The following MYPOP variants were observed in gnomAD, a reference collection of about 807,000 sequenced individuals.
MYPOP encodes the protein myb-related transcription factor, partner of profilin.
Under a neutral mutation model 25.7 loss-of-function variants are expected in MYPOP, and 21 were observed. That is an observed-to-expected ratio of 0.82 (90% confidence interval 0.58 to 1.18). MYPOP has a LOEUF of 1.18. MYPOP is among the 50% of genes most tolerant of loss of function. The pLI is 0.00. For missense variants in MYPOP, 566 were observed against 588.3 expected (o/e 0.96, Z 0.39); for synonymous variants, 280 against 247.9 (o/e 1.13, Z -1.22).
intron 2 of MYPOP, among the ~76,000 whole-genome samples, chr19:45,896,124 C>G (rs1967200923): frequency 6.6e-6 from 1 of 152,124 alleles, no homozygotes; most frequent in African/African-American, 2.4e-5. Flanking sequence ...AATCCTGTCT[C>G]TACTCAAAAT....
At chr19:45,897,916 GTTTTC>G (rs1409884166) in intron 2 of MYPOP, among the ~76,000 whole-genome samples, 31 of 149,062 alleles carry the variant, frequency 2.1e-4, no homozygotes, top group African/African-American at 4.7e-4. Context: ...TTCCCTACTT[GTTTTC>G]TTTTCTTTTT....
At chr19:45,895,209 G>A (rs762150132) in intron 2 of MYPOP, among the ~76,000 whole-genome samples, 12 of 151,898 alleles carry the variant, frequency 7.9e-5, no homozygotes, top group African/African-American at 1.7e-4. Context: ...CTGTAGCCAC[G>A]GTGGCCTCCT....
chr19:45,890,875 T>TGGGGGGGGGGGG lies in MYPOP; in HGVS notation c.947_948insCCCCCCCCCCCC (p.Pro317_Pro320dup). 4.0e-6 allele frequency: 1 copy of TGGGGGGGGGGGG among 252,628 alleles called. No homozygotes were observed. Among genetic ancestry groups the TGGGGGGGGGGGG allele is most frequent in the South Asian group, 1.4e-4 (1 of 7,376 alleles). The allele number at this position is 252,628 out of a possible 1,614,324, so 15.6% of individuals were successfully genotyped here. A position where few individuals can be genotyped will look rare whatever the true frequency, so the allele number is the denominator to read the frequency against. Reference sequence around the variant, plus strand: ...GCAGGACAGGCCTGGGAGGTGGCGGTGGGGGTGGGGGTGGGGGCAGAGGTG... The same window carrying TGGGGGGGGGGGG: ...GCAGGACAGGCCTGGGAGGTGGCGGTGGGGGGGGGGGGGGGGGTGGGGGTGGGGGCAGAGGTG... On this transcript the variant is annotated inframe_insertion, in exon 3 of 3. Coordinates refer to ENST00000322217, the MANE Select transcript of MYPOP (RefSeq NM_001012643.4).
rs138971632 is a variant in MYPOP at position 45,890,644 on chromosome 19, G to A, written c.1179C>T (p.Arg393=). The A allele has an allele frequency of 4.4e-5, 70 of 1,606,434 alleles. No homozygotes were observed. The highest frequency in any genetic ancestry group is 5.5e-5 in the Non-Finnish European group (65 of 1,176,512). ...RRKGFPTRKR[R]GRWKSP ...GATTTCACGGAGATTTCCATCGGCC[G>A]CGCCTTTTCCGTGTAGGGAAACCTT... Residue 393 remains arginine, a synonymous_variant, in exon 3 of 3, where the codon CGC becomes CGT. Coordinates refer to ENST00000322217, the MANE Select transcript of MYPOP (RefSeq NM_001012643.4).
intron 2 of MYPOP, among the ~76,000 whole-genome samples, chr19:45,899,131 C>A (rs1967251145): frequency 6.6e-6 from 1 of 152,198 alleles, no homozygotes; most frequent in Non-Finnish European, 1.5e-5. Context: ...GAGGATGAGG[C>A]AGGAGAATTG....
chr19:45,892,599 C>A (rs374078720), intron 2 of MYPOP, among the ~76,000 whole-genome samples: 3 of 152,176 alleles, frequency 2.0e-5, no homozygotes, highest in Non-Finnish European at 4.4e-5. Flanking sequence ...GATCCTCCCC[C>A]ACCCTGCTCC....
intron 2 of MYPOP, among the ~76,000 whole-genome samples, chr19:45,893,740 ACT>A (rs1186496175): frequency 6.6e-6 from 1 of 151,292 alleles, no homozygotes; most frequent in Non-Finnish European, 1.5e-5. Flanking sequence ...TGGTTGCATA[ACT>A]CTGAATATAC....
intron 2 of MYPOP, among the ~76,000 whole-genome samples, chr19:45,899,084 G>T (rs1967249900): frequency 6.6e-6 from 1 of 152,160 alleles, no homozygotes; most frequent in Non-Finnish European, 1.5e-5. Flanking sequence ...AAATTAGCCA[G>T]GCATGGTGGC....
intron 2 of MYPOP, among the ~76,000 whole-genome samples, chr19:45,895,483 T>C (rs957562887): frequency 2.6e-5 from 4 of 151,974 alleles, no homozygotes; most frequent in African/African-American, 9.7e-5. Context: ...CATCTCCTTC[T>C]TTTTTTCTCC....
chr19:45,896,513 T>G (rs1286106682), intron 2 of MYPOP, among the ~76,000 whole-genome samples: 1 of 152,116 alleles, frequency 6.6e-6, no homozygotes. Context: ...GCTACCATGA[T>G]CATCGCCCCA....
In MYPOP at chr19:45,901,062, A is replaced by G. The variant is rs898499692; in HGVS notation, c.499+213T>C. 1.3e-5 allele frequency among the ~76,000 whole-genome samples: 2 copies of G among 152,326 alleles called. No individual in the cohort carries two copies. The highest frequency in any genetic ancestry group is 6.8e-3 in the Middle Eastern group (2 of 294). ...ATGACCCCAGGTGTGGACCTGAGTC[A>G]GGCCTCCTAAATCTGGTTCCATTCC... On this transcript the variant is annotated intron_variant, in intron 2 of 2. Transcript: ENST00000322217. This position sits in a 1 kb window ranked among gnomAD's most constrained non-coding sequence, Gnocchi z 5.7.
At chr19:45,895,861 G>GC (rs1967196299) in intron 2 of MYPOP, among the ~76,000 whole-genome samples, 1 of 151,942 alleles carries the variant, frequency 6.6e-6, no homozygotes, top group Admixed American at 6.6e-5. Flanking sequence ...CAGCTTGGAT[G>GC]TTTTTTTGGA....
At chr19:45,898,949 G>A (rs1967246998) in intron 2 of MYPOP, among the ~76,000 whole-genome samples, 1 of 151,994 alleles carries the variant, frequency 6.6e-6, no homozygotes, top group Non-Finnish European at 1.5e-5. Context: ...GCTCCAGGTC[G>A]GGTGTGGTGG....
chr19:45,891,402 A>G (rs1600564239), intron 2 of MYPOP, 79 bp from the exon 3 acceptor site: 1 of 1,369,986 alleles, frequency 7.3e-7, no homozygotes, highest in South Asian at 1.7e-5. Context: ...TCCTTCCCTC[A>G]CCTCCCCCCT....
intron 2 of MYPOP, among the ~76,000 whole-genome samples, chr19:45,897,926 C>CT (rs988250393): frequency 1.5e-3 from 209 of 137,886 alleles, no homozygotes; most frequent in Middle Eastern, 3.8e-3. Flanking sequence ...GTTTTCTTTT[C>CT]TTTTTTTTTT....
In MYPOP at chr19:45,901,156, C is replaced by G. The variant is rs1967282682; in HGVS notation, c.499+119G>C. ...TTCATTTTTCTGAGCTTCAGTTTCC[C>G]TAGCTATAAAATGGGGCGAAGGACA... On this transcript the variant is annotated intron_variant, in intron 2 of 2. Coordinates refer to ENST00000322217, the MANE Select transcript of MYPOP (RefSeq NM_001012643.4). This position sits in a 1 kb window ranked among gnomAD's most constrained non-coding sequence, Gnocchi z 5.7. The G allele has an allele frequency of 3.1e-6, 3 of 974,284 alleles. No homozygotes were observed. In the Admixed American group the frequency reaches 1.2e-4, roughly 40 times the overall value. 60.4% of individuals were successfully genotyped at this position (974,284 alleles called of 1,614,324 possible).
At position 45,901,154 on chromosome 19, in the gene MYPOP, C is replaced by A; in HGVS notation, c.499+121G>T. On this transcript the variant is annotated intron_variant, in intron 2 of 2. Transcript: ENST00000322217. The surrounding 1 kb of genome is among the most constrained non-coding windows in gnomAD (Gnocchi z 5.7). ...ATTTCATTTTTCTGAGCTTCAGTTT[C>A]CCTAGCTATAAAATGGGGCGAAGGA... 1.0e-6 allele frequency: 1 copy of A among 955,250 alleles called. No homozygotes were observed. The highest frequency in any genetic ancestry group is 3.3e-5 in the East Asian group (1 of 30,428). The allele number at this position is 955,250 out of a possible 1,614,324, so 59.2% of individuals were successfully genotyped here.
Position 45,901,441 on chromosome 19 carries a change from C to A in MYPOP, c.333G>T (p.Ala111=). The A allele has an allele frequency of 6.3e-7, 1 of 1,591,480 alleles. No homozygotes were observed. The highest frequency in any genetic ancestry group is 8.6e-7 in the Non-Finnish European group (1 of 1,169,014). ...AGPAAEDAFS[A]EEETIFAILG... ...GGATGGCAAAAATGGTCTCCTCTTC[C>A]GCGGAGAAAGCGTCCTCCGCGGCGG... is the stretch of plus-strand genomic sequence containing the variant. Residue 111 remains alanine (A), a synonymous_variant, in exon 2 of 3, where the codon GCG becomes GCT. Transcript: ENST00000322217. This position sits in a 1 kb window ranked among gnomAD's most constrained non-coding sequence, Gnocchi z 5.7.
chr19:45,899,470 G>C (rs1253533588), intron 2 of MYPOP, among the ~76,000 whole-genome samples: 1 of 152,170 alleles, frequency 6.6e-6, no homozygotes, highest in Non-Finnish European at 1.5e-5. Flanking sequence ...TTTGATTCAA[G>C]GTTTGAGAAC....
Sources: allele counts gnomAD v4.1 joint callset (sites outside exome capture counted in the v4.1 genomes callset), GRCh38; gene constraint gnomAD v4.1.1; non-coding constraint Gnocchi (gnomAD v3.1); transcripts MANE v1.5; gene names NCBI Gene and HGNC (gene_info 2026-07-23, HGNC 2026-07-21).